Variants in PTPN4 observed in about 807,000 individuals in gnomAD.
The protein encoded by PTPN4 is tyrosine-protein phosphatase non-receptor type 4.
PTPN4 carries 49 observed loss-of-function variants against 135.5 expected under a neutral mutation model. The observed-to-expected ratio is 0.36, with a 90% CI of 0.29 to 0.46. PTPN4 has a LOEUF of 0.46. Ranked by LOEUF, PTPN4 falls within the 20% of genes least tolerant of loss-of-function variation. The pLI is 1.00. For missense variants in PTPN4, 860 were observed against 1,101.0 expected, an observed-to-expected ratio of 0.78 and a Z score of 3.10; for synonymous variants, 333 against 369.9, an observed-to-expected ratio of 0.90 and a Z score of 1.14.
intron 26 of PTPN4, among the ~76,000 whole-genome samples, chr2:119,970,483 A>G (rs1679515664): frequency 6.6e-6 from 1 of 151,962 alleles, no homozygotes; most frequent in African/African-American, 2.4e-5. Flanking sequence ...CCAACCTCCA[A>G]TCTAGGCAAT....
At chr2:119,808,309 ATTG>A (rs1351986272) in intron 1 of PTPN4, among the ~76,000 whole-genome samples, 1 of 152,210 alleles carries the variant, frequency 6.6e-6, no homozygotes, top group African/African-American at 2.4e-5. Flanking sequence ...AGATGACATG[ATTG>A]TATATATAGA....
chr2:119,961,072 G>A (rs185607249), intron 23 of PTPN4, 119 bp downstream of exon 23: 92 of 1,215,008 alleles, frequency 7.6e-5, no homozygotes, highest in Admixed American at 5.7e-4. Flanking sequence ...CTTTTCTTGT[G>A]GTTTCTTGTT....
intron 9 of PTPN4, among the ~76,000 whole-genome samples, chr2:119,886,662 A>T (rs776424543): frequency 2.0e-5 from 3 of 152,218 alleles, no homozygotes; most frequent in Non-Finnish European, 4.4e-5. Context: ...CTGAAAGAGA[A>T]TTCAGAGCCA....
intron 25 of PTPN4, among the ~76,000 whole-genome samples, 170 bp from the exon 26 acceptor site, chr2:119,967,667 G>T (rs891678688): frequency 1.3e-5 from 2 of 152,006 alleles, no homozygotes; most frequent in African/African-American, 4.8e-5. Context: ...TTGAGTCAGT[G>T]CATTTTTTTT....
chr2:119,918,297 G>A (rs962294540), intron 11 of PTPN4, among the ~76,000 whole-genome samples: 2 of 152,044 alleles, frequency 1.3e-5, no homozygotes, highest in African/African-American at 4.8e-5. Context: ...TTCTTTAACC[G>A]GACATAGAAG....
At chr2:119,849,012 T>A (rs1374351637) in intron 2 of PTPN4, among the ~76,000 whole-genome samples, 1 of 152,212 alleles carries the variant, frequency 6.6e-6, no homozygotes, top group Non-Finnish European at 1.5e-5. Flanking sequence ...TTAAATATAT[T>A]TTTCATGACA....
Position 119,977,114 on chromosome 2 carries a change from C to T in PTPN4, c.*44C>T. On this transcript the variant is annotated 3_prime_UTR_variant, in exon 27 of 27. Coordinates refer to ENST00000263708, the MANE Select transcript of PTPN4 (RefSeq NM_002830.4). Reference sequence around the variant, plus strand: ...GATATGTGTTGGAAAACTGCTTTCCCTTATGTTCACTGTGCCATAATGCTG... The same window carrying T: ...GATATGTGTTGGAAAACTGCTTTCCTTTATGTTCACTGTGCCATAATGCTG... 1 of 1,545,754 alleles carries T rather than the reference C, an allele frequency of 6.5e-7. No homozygotes were observed. The highest frequency in any genetic ancestry group is 8.7e-7 in the Non-Finnish European group (1 of 1,153,086).
chr2:119,854,341 TAGAA>T (rs1243670249), intron 2 of PTPN4, among the ~76,000 whole-genome samples: 3 of 152,110 alleles, frequency 2.0e-5, no homozygotes, highest in African/African-American at 7.2e-5. Flanking sequence ...GCTTTTCTAT[TAGAA>T]AAGAAATGTT....
At chr2:119,795,879 C>T (rs141645492) in intron 1 of PTPN4, among the ~76,000 whole-genome samples, 31 of 152,080 alleles carry the variant, frequency 2.0e-4, no homozygotes, top group Middle Eastern at 3.4e-3. Flanking sequence ...CCGGCCCCAT[C>T]GCAATGGCTC....
chr2:119,888,180 AAGTGCT>A (rs1427715569), intron 9 of PTPN4, among the ~76,000 whole-genome samples: 2 of 152,142 alleles, frequency 1.3e-5, no homozygotes, highest in Non-Finnish European at 2.9e-5. Context: ...TGATGTATAG[AAGTGCT>A]GCTGATTTTT....
At chr2:119,894,089 C>T (rs1678282718) in intron 9 of PTPN4, among the ~76,000 whole-genome samples, 1 of 152,100 alleles carries the variant, frequency 6.6e-6, no homozygotes, top group Admixed American at 6.5e-5. Context: ...TTATTATCTC[C>T]ACTTTACAGA....
At chr2:119,972,393 G>A (rs1403223203) in intron 26 of PTPN4, among the ~76,000 whole-genome samples, 2 of 152,076 alleles carry the variant, frequency 1.3e-5, no homozygotes, top group Non-Finnish European at 2.9e-5. Context: ...GTATGTTTTG[G>A]TGCTATTGTA....
intron 15 of PTPN4, among the ~76,000 whole-genome samples, chr2:119,937,718 A>T (rs1054339689): frequency 6.6e-6 from 1 of 152,218 alleles, no homozygotes; most frequent in Non-Finnish European, 1.5e-5. Flanking sequence ...TGCTACCAGC[A>T]TAGTACACTC....
intron 1 of PTPN4, among the ~76,000 whole-genome samples, chr2:119,772,278 T>C (rs1259556522): frequency 1.3e-5 from 2 of 152,220 alleles, no homozygotes; most frequent in Non-Finnish European, 2.9e-5. Context: ...AAAGTTCTCT[T>C]AGGTGATTCT....
chr2:119,777,140 C>T (rs1690850532), intron 1 of PTPN4, among the ~76,000 whole-genome samples: 1 of 152,194 alleles, frequency 6.6e-6, no homozygotes, highest in South Asian at 2.1e-4. Flanking sequence ...TCTCAAGGCA[C>T]ACTGGCCTCC....
intron 1 of PTPN4, among the ~76,000 whole-genome samples, chr2:119,768,443 G>T (rs1219733167): frequency 2.0e-5 from 3 of 152,080 alleles, no homozygotes; most frequent in Non-Finnish European, 4.4e-5. Flanking sequence ...CACTTTTAGG[G>T]GGATAGAGCT....
At chr2:119,761,892 G>A (rs1023679690) in intron 1 of PTPN4, among the ~76,000 whole-genome samples, 6 of 152,158 alleles carry the variant, frequency 3.9e-5, no homozygotes, top group Non-Finnish European at 5.9e-5. Flanking sequence ...TTCCTCAAAA[G>A]TAGTAATAGA....
intron 2 of PTPN4, 151 bp from the exon 3 acceptor site, chr2:119,862,385 A>G: frequency 1.6e-6 from 1 of 610,468 alleles, no homozygotes; most frequent in South Asian, 2.1e-5. Flanking sequence ...GCTCAAGGTC[A>G]TTGCCAAGGC....
chr2:119,845,267 A>AGGGAGAGGGAGG (rs1677477937), intron 2 of PTPN4, among the ~76,000 whole-genome samples: 1 of 46,336 alleles, frequency 2.2e-5, no homozygotes, highest in African/African-American at 7.9e-5. Context: ...GGGGAGGGGG[A>AGGGAGAGGGAGG]GGGAGAGGGA....
Sources: gnomAD v4.1 joint callset for allele counts (sites outside exome capture counted in the v4.1 genomes callset) on GRCh38, gnomAD v4.1.1 for gene constraint, MANE v1.5 for transcripts, NCBI Gene and HGNC (gene_info 2026-07-23, HGNC 2026-07-21) for gene names.